DEFB1: variants seen among roughly 807,000 people sequenced by gnomAD.
The protein encoded by DEFB1 is beta-defensin 1.
Under a neutral mutation model 2.6 loss-of-function variants are expected in DEFB1, and 4 were observed. That is an observed-to-expected ratio of 1.53 (90% CI 0.76 to 3.51). DEFB1 has a LOEUF of 3.51. DEFB1 is among the 30% of genes most tolerant of loss of function. DEFB1 has a pLI of 0.01. For synonymous variants in DEFB1, 56 were observed against 28.5 expected (o/e 1.96, Z -3.07); for missense variants, 162 against 76.9 (o/e 2.11, Z -4.14).
chr8:6,873,624 T>G (rs566368192), intron 1 of DEFB1, among the ~76,000 whole-genome samples: 1 of 152,308 alleles, frequency 6.6e-6, no homozygotes, highest in African/African-American at 2.4e-5. Context: ...AAGTACCACA[T>G]GTTCTCAGTT....
chr8:6,870,795 T>A lies in DEFB1; in HGVS notation c.93A>T (p.Arg31Ser), dbSNP rs150393796. The A allele has an allele frequency of 3.1e-6, 5 of 1,614,038 alleles. No homozygotes were observed. The highest frequency in any genetic ancestry group is 4.2e-6 in the Non-Finnish European group (5 of 1,179,998). Reference sequence around the variant, plus strand: ...TGCTGACGCAATTGTAATGATCAGATCTGTGGCCAAGGCCTGTGAGAAAGT... The same window carrying A: ...TGCTGACGCAATTGTAATGATCAGAACTGTGGCCAAGGCCTGTGAGAAAGT... ...GGNFLTGLGH[R>S]SDHYNCVSSG... Residue 31 changes from arginine to serine, a missense_variant, in exon 2 of 2, where the codon AGA becomes AGT. By Grantham distance (110) the Arg-to-Ser change is moderately radical. Transcript: ENST00000297439.
intron 1 of DEFB1, among the ~76,000 whole-genome samples, chr8:6,875,423 G>A (rs1218462871): frequency 6.6e-6 from 1 of 152,032 alleles, no homozygotes; most frequent in African/African-American, 2.4e-5. Context: ...AAACCAATAA[G>A]AAAAGACAGA....
chr8:6,877,423 T>G (rs1392206967), intron 1 of DEFB1, among the ~76,000 whole-genome samples: 1 of 152,228 alleles, frequency 6.6e-6, no homozygotes, highest in Non-Finnish European at 1.5e-5. Flanking sequence ...CCCAGTGACG[T>G]GGGCTGAGGA....
intron 1 of DEFB1, among the ~76,000 whole-genome samples, chr8:6,874,326 A>G (rs1424145689): frequency 6.6e-6 from 1 of 150,698 alleles, no homozygotes; most frequent in Non-Finnish European, 1.5e-5. Flanking sequence ...ATGAGTGGAA[A>G]TGCTCTGTTA....
chr8:6,870,712 C>T lies in DEFB1; in HGVS notation c.176G>A (p.Cys59Tyr), dbSNP rs376876621. Residue 59 changes from cysteine to tyrosine, a missense_variant, in exon 2 of 2, where the codon TGT (cysteine) becomes TAT (tyrosine). Cys to Tyr is a radical substitution (Grantham distance 194, BLOSUM62 -2). Transcript: ENST00000297439. ...GCAGCACTTGGCCTTCCCTCTGTAACAGGTGCCTTGAATTTTGGTAAAGAT... is the reference window on the plus strand; with the variant it reads ...GCAGCACTTGGCCTTCCCTCTGTAATAGGTGCCTTGAATTTTGGTAAAGAT... ...CPIFTKIQGT[C>Y]YRGKAKCCK 24 of 1,614,118 alleles carry T rather than the reference C, an allele frequency of 1.5e-5. No homozygotes were observed. The highest frequency in any genetic ancestry group is 1.9e-5 in the Non-Finnish European group (22 of 1,180,056).
In DEFB1 at chr8:6,870,932, T is replaced by C. The variant is rs5743487; in HGVS notation, c.62-106A>G. On this transcript the variant is annotated intron_variant, in intron 1 of 1. Transcript: ENST00000297439. ...AATAACTGCAAAACACCGGAGAGTC[T>C]TCTCTTCCAAGAAATTGGCCCATGA... 5.9e-4 allele frequency: 743 copies of C among 1,268,402 alleles called. 4 individuals are homozygous for C. The African/African-American group carries it at 9.5e-3, about 16-fold the overall frequency. The allele number at this position is 1,268,402 out of a possible 1,614,324, so 78.6% of individuals were successfully genotyped here.
chr8:6,875,707 A>C (rs966031716), intron 1 of DEFB1, among the ~76,000 whole-genome samples: 1 of 152,224 alleles, frequency 6.6e-6, no homozygotes, highest in African/African-American at 2.4e-5. Context: ...ACAGTTTGGC[A>C]TTGTCCAATA....
chr8:6,875,048 T>A (rs930800575), intron 1 of DEFB1, among the ~76,000 whole-genome samples: 3 of 141,726 alleles, frequency 2.1e-5, no homozygotes, highest in Admixed American at 7.2e-5. Context: ...AACTTGACCG[T>A]TACTTCATAC....
intron 1 of DEFB1, among the ~76,000 whole-genome samples, chr8:6,873,293 C>G (rs1806390377): frequency 6.6e-6 from 1 of 152,226 alleles, no homozygotes; most frequent in South Asian, 2.1e-4. Flanking sequence ...CACTTCACCA[C>G]ACTGCTGGTT....
intron 1 of DEFB1, among the ~76,000 whole-genome samples, chr8:6,873,752 C>G (rs1170877705): frequency 6.6e-6 from 1 of 152,088 alleles, no homozygotes; most frequent in Non-Finnish European, 1.5e-5. Flanking sequence ...AGATCACATT[C>G]CATTCCTCAG....
chr8:6,877,376 G>A (rs2117220895), intron 1 of DEFB1, among the ~76,000 whole-genome samples: 1 of 152,368 alleles, frequency 6.6e-6, no homozygotes. Context: ...TGGGGCGGCA[G>A]CACCTCACCT....
In DEFB1 at chr8:6,870,621, A is replaced by C; in HGVS notation, c.*60T>G. 2 of 1,575,498 alleles carry C rather than the reference A, an allele frequency of 1.3e-6. No individual in the cohort carries two copies. Among genetic ancestry groups the C allele is most frequent in the Non-Finnish European group, 1.7e-6 (2 of 1,163,844 alleles). Reference sequence around the variant, plus strand: ...CTTCAAAAGCAATTTTCCTTTATTAAAAGAATGCTTATAAAAAGTTCATTT... The same window carrying C: ...CTTCAAAAGCAATTTTCCTTTATTACAAGAATGCTTATAAAAAGTTCATTT... On this transcript the variant is annotated 3_prime_UTR_variant, in exon 2 of 2. Transcript: ENST00000297439.
chr8:6,874,423 A>T (rs938547922), intron 1 of DEFB1, among the ~76,000 whole-genome samples: 2 of 152,252 alleles, frequency 1.3e-5, no homozygotes, highest in African/African-American at 4.8e-5. Flanking sequence ...CTAATTTGAC[A>T]AAGTGATTCT....
At position 6,872,128 on chromosome 8, in the gene DEFB1, C is replaced by T. The variant is rs1024625468; in HGVS notation, c.62-1302G>A. 3.3e-5 allele frequency among the ~76,000 whole-genome samples: 5 copies of T among 152,244 alleles called. No individual in the cohort carries two copies. The South Asian group carries it at 8.3e-4, about 25-fold the overall frequency. On this transcript the variant is annotated intron_variant, in intron 1 of 1. Coordinates refer to ENST00000297439, the MANE Select transcript of DEFB1 (RefSeq NM_005218.4). ...GCCTGGTTTCTGGTCCCTTCCCAAA[C>T]CTCTTCATTCTCCTGTGGATGTGTT...
In DEFB1 at chr8:6,877,584, T is replaced by A. The variant is rs76164450; in HGVS notation, c.61+213A>T. Among the ~76,000 whole-genome samples the A allele has an allele frequency of 2.4e-3, 373 of 152,336 alleles. 5 individuals carry two copies. The highest frequency in any genetic ancestry group is 8.0e-3 in the African/African-American group (334 of 41,594). ...CTGCCTGTGACAAGCGCCATGACCCTGCCAGGCTCACTCCTTGGCGGCTCA... is the reference window on the plus strand; with the variant it reads ...CTGCCTGTGACAAGCGCCATGACCCAGCCAGGCTCACTCCTTGGCGGCTCA... On this transcript the variant is annotated intron_variant, in intron 1 of 1. Transcript: ENST00000297439.
At chr8:6,875,346 C>T (rs1470158525) in intron 1 of DEFB1, among the ~76,000 whole-genome samples, 1 of 151,968 alleles carries the variant, frequency 6.6e-6, no homozygotes, top group Non-Finnish European at 1.5e-5. Context: ...AAACACAAAG[C>T]AAGAGAAGAT....
chr8:6,877,266 G>A (rs1028534634), intron 1 of DEFB1, among the ~76,000 whole-genome samples: 1 of 152,216 alleles, frequency 6.6e-6, no homozygotes, highest in Non-Finnish European at 1.5e-5. Flanking sequence ...TGGGGAGACT[G>A]CTAACCTGGA....
intron 1 of DEFB1, among the ~76,000 whole-genome samples, chr8:6,871,186 G>A (rs898131749): frequency 3.3e-5 from 5 of 152,170 alleles, no homozygotes; most frequent in African/African-American, 1.2e-4. Context: ...TTAGAAATGT[G>A]GAAGCAGCTG....
At chr8:6,872,602 T>C (rs1175029212) in intron 1 of DEFB1, among the ~76,000 whole-genome samples, 1 of 152,156 alleles carries the variant, frequency 6.6e-6, no homozygotes, top group Non-Finnish European at 1.5e-5. Flanking sequence ...TTTTTTGTGT[T>C]GCTGTGGAGA....
Sources: gnomAD v4.1 joint callset for allele counts (sites outside exome capture counted in the v4.1 genomes callset) on GRCh38, gnomAD v4.1.1 for gene constraint, MANE v1.5 for transcripts, NCBI Gene and HGNC (gene_info 2026-07-23, HGNC 2026-07-21) for gene names.